LRRC63: variants seen among roughly 807,000 people sequenced by gnomAD.
LRRC63 encodes leucine rich repeat containing 63.
LRRC63 carries 40 observed loss-of-function variants against 49.5 expected under a neutral mutation model. The observed-to-expected ratio is 0.81, with a 90% CI of 0.63 to 1.05. LRRC63 has a LOEUF of 1.05. Ranked by LOEUF, LRRC63 falls within the 50% of genes least tolerant of loss-of-function variation. The probability of loss-of-function intolerance (pLI) is 0.00; values close to 1 mark genes in which losing one functional copy is unlikely to be tolerated. For missense variants in LRRC63, 636 were observed against 663.1 expected (o/e 0.96, Z 0.45); for synonymous variants, 191 against 221.1 (o/e 0.86, Z 1.21).
chr13:46,214,763 A>C (rs1022597850), intron 2 of LRRC63, among the ~76,000 whole-genome samples: 35 of 151,454 alleles, frequency 2.3e-4, no homozygotes, highest in African/African-American at 8.3e-4. Flanking sequence ...TTCTCCCCTC[A>C]CCCTCCACCC....
At chr13:46,244,059 ACCAT>A (rs2047143202) in intron 5 of LRRC63, among the ~76,000 whole-genome samples, 1 of 152,208 alleles carries the variant, frequency 6.6e-6, no homozygotes, top group South Asian at 2.1e-4. Flanking sequence ...AATGAATAGC[ACCAT>A]AAGTGGTAAA....
At chr13:46,228,178 A>G (rs763903052) in exon 3 of LRRC63, 2 of 1,543,208 alleles carry the variant, frequency 1.3e-6, no homozygotes, top group East Asian at 4.9e-5. Context: ...CCTCACAGGC[A>G]GTCTGTGATA....
intron 5 of LRRC63, 105 bp downstream of exon 5, chr13:46,234,454 C>G: frequency 9.3e-7 from 1 of 1,073,132 alleles, no homozygotes; most frequent in Non-Finnish European, 1.3e-6. Flanking sequence ...GGGAATTTTC[C>G]TATTACAATA....
At chr13:46,266,948 T>C in exon 9 of LRRC63, 2 of 1,542,254 alleles carry the variant, frequency 1.3e-6, no homozygotes, top group Non-Finnish European at 1.7e-6. Context: ...AAGATCCCAG[T>C]AGAAGTTCAG....
rs1430447159 is a variant in LRRC63, at chr13:46,250,421, GA to G, written c.1159del (p.Ile387PhefsTer16). 1 of 1,531,564 alleles carries G rather than the reference GA, an allele frequency of 6.5e-7. No individual in the cohort carries two copies. Among genetic ancestry groups the G allele is most frequent in the Non-Finnish European group, 8.8e-7 (1 of 1,131,904 alleles). 94.9% of individuals were successfully genotyped at this position (1,531,564 alleles called of 1,614,324 possible). On this transcript the variant is annotated frameshift_variant, in exon 7 of 10. Transcript: ENST00000595396. LOFTEE classifies it high-confidence loss of function. Reference sequence around the variant, plus strand: ...TAATCCTATCAAAGAAATTCCTTCTGAAATTCAACAACTTGAGTTCCTTAGA... The same window carrying G: ...TAATCCTATCAAAGAAATTCCTTCTGAATTCAACAACTTGAGTTCCTTAGA...
intron 4 of LRRC63, among the ~76,000 whole-genome samples, chr13:46,232,205 C>T (rs1024859602): frequency 2.0e-5 from 3 of 152,190 alleles, no homozygotes; most frequent in Non-Finnish European, 4.4e-5. Context: ...GACCCAAACA[C>T]CTCCCTCTGG....
At chr13:46,215,534 G>T (rs1318130648) in intron 2 of LRRC63, among the ~76,000 whole-genome samples, 3 of 152,066 alleles carry the variant, frequency 2.0e-5, no homozygotes, top group Non-Finnish European at 4.4e-5. Context: ...CAGATGGGTA[G>T]ATTGCAGAAG....
At chr13:46,246,586 T>G (rs1464317374) in exon 6 of LRRC63, 3 of 1,473,794 alleles carry the variant, frequency 2.0e-6, no homozygotes, top group Non-Finnish European at 2.7e-6. Context: ...TGATATATCT[T>G]AATTTATCAT....
intron 7 of LRRC63, 34 bp from the exon 8 acceptor site, chr13:46,261,875 C>A: frequency 1.4e-6 from 1 of 707,536 alleles, no homozygotes; most frequent in South Asian, 7.1e-5. Context: ...GATACATAAT[C>A]ATTTCTACAA....
chr13:46,212,386 A>G (rs1387435078), intron 1 of LRRC63, 127 bp downstream of exon 1: 4 of 152,350 alleles, frequency 2.6e-5, no homozygotes, highest in Non-Finnish European at 5.9e-5. Flanking sequence ...ATCTTCTCGC[A>G]TTATTTCTAA....
intron 2 of LRRC63, among the ~76,000 whole-genome samples, chr13:46,216,563 A>G (rs2046257360): frequency 6.6e-6 from 1 of 152,230 alleles, no homozygotes; most frequent in Admixed American, 6.5e-5. Context: ...TCATCTGCAA[A>G]CAGAGACAAT....
intron 2 of LRRC63, among the ~76,000 whole-genome samples, chr13:46,217,984 G>A (rs1324090376): frequency 2.6e-5 from 4 of 152,096 alleles, no homozygotes; most frequent in African/African-American, 9.7e-5. Context: ...TGTGATTTCC[G>A]TTATTTTGCA....
intron 2 of LRRC63, among the ~76,000 whole-genome samples, chr13:46,220,617 A>G (rs139464234): frequency 0.018 from 2,754 of 149,792 alleles, 97 homozygotes; most frequent in African/African-American, 0.064. Context: ...GAACAGTTCT[A>G]TCTCTCTGGC....
Position 46,270,399 on chromosome 13 carries a change from A to G in LRRC63, c.1550+3427A>G, listed in dbSNP as rs566210079. 602 of 828,350 alleles carry G rather than the reference A, an allele frequency of 7.3e-4. 7 individuals are homozygous for G. The highest frequency in any genetic ancestry group is 5.7e-3 in the South Asian group (429 of 75,580). 51.3% of individuals were successfully genotyped at this position (828,350 alleles called of 1,614,324 possible). A position where few individuals can be genotyped will look rare whatever the true frequency, so the allele number is the denominator to read the frequency against. ...AAGATTTACTGCTCAGATGGCGAAGAATATACTGTATCTAGTTGTGTTAGA... is the reference window on the plus strand; with the variant it reads ...AAGATTTACTGCTCAGATGGCGAAGGATATACTGTATCTAGTTGTGTTAGA... On this transcript the variant is annotated intron_variant, in intron 9 of 9. Coordinates refer to ENST00000595396, the Ensembl canonical transcript of LRRC63.
chr13:46,213,128 A>AT lies in LRRC63; in HGVS notation c.85+11dup. ...GAAAAAAACCCATACAGGTATGTGT[A>AT]TTAATCAGATATGTGTATTAACATT... On this transcript the variant is annotated intron_variant, in intron 2 of 9. Transcript: ENST00000595396. The AT allele has an allele frequency of 6.7e-7, 1 of 1,486,462 alleles. No homozygotes were observed. Among genetic ancestry groups the AT allele is most frequent in the South Asian group, 1.2e-5 (1 of 81,000 alleles). The allele number at this position is 1,486,462 out of a possible 1,614,324, so 92.1% of individuals were successfully genotyped here. A position where few individuals can be genotyped will look rare whatever the true frequency, so the allele number is the denominator to read the frequency against.
chr13:46,271,265 T>C (rs1346153471), intron 9 of LRRC63, among the ~76,000 whole-genome samples: 2 of 152,168 alleles, frequency 1.3e-5, no homozygotes, highest in African/African-American at 4.8e-5. Context: ...CATTATGGTA[T>C]GGTTATTGCT....
Position 46,270,157 on chromosome 13 carries a change from T to C in LRRC63, c.1550+3185T>C, listed in dbSNP as rs2047736883. On this transcript the variant is annotated intron_variant, in intron 9 of 9. Coordinates refer to ENST00000595396, the Ensembl canonical transcript of LRRC63. ...ACTTCACTCGCTGGTACAAAGCAGA[T>C]GTCAAAGGAAGATCTTGTAAGGACC... The C allele has an allele frequency of 9.5e-6, 7 of 734,378 alleles. 1 individual carries two copies. Among genetic ancestry groups the C allele is most frequent in the South Asian group, 8.7e-5 (6 of 69,060 alleles). The allele number at this position is 734,378 out of a possible 1,614,324, so 45.5% of individuals were successfully genotyped here. A position where few individuals can be genotyped will look rare whatever the true frequency, so the allele number is the denominator to read the frequency against.
At chr13:46,228,070 A>C in exon 3 of LRRC63, 1 of 1,551,096 alleles carries the variant, frequency 6.4e-7, no homozygotes, top group East Asian at 2.4e-5. Context: ...CCAGAAGGAC[A>C]GTGGCCTGAA....
At chr13:46,228,803 G>T in intron 4 of LRRC63, 70 bp downstream of exon 4, 2 of 1,075,376 alleles carry the variant, frequency 1.9e-6, no homozygotes, top group South Asian at 2.8e-5. Context: ...AATTATGGGT[G>T]ATTTTTTGTG....
Sources: gnomAD v4.1 joint callset for allele counts (sites outside exome capture counted in the v4.1 genomes callset) on GRCh38, gnomAD v4.1.1 for gene constraint, MANE v1.5 for transcripts, NCBI Gene and HGNC (gene_info 2026-07-23, HGNC 2026-07-21) for gene names.